Variants in TBC1D32 observed in about 807,000 individuals in gnomAD.
TBC1D32 encodes TBC1 domain family member 32.
TBC1D32 carries 151 observed loss-of-function variants against 170.3 expected under a neutral mutation model. That is an observed-to-expected ratio of 0.89 (90% CI 0.78 to 1.01). TBC1D32 has a LOEUF of 1.01. Among genes scored for constraint, TBC1D32 ranks in the 50% least tolerant of loss-of-function variants. The pLI is 0.00. For missense variants in TBC1D32, 1,464 were observed against 1,457.1 expected (o/e 1.00, Z -0.08); for synonymous variants, 498 against 488.0 (o/e 1.02, Z -0.27).
intron 24 of TBC1D32, among the ~76,000 whole-genome samples, chr6:121,148,955 G>C (rs993859158): frequency 1.3e-5 from 2 of 152,172 alleles, no homozygotes; most frequent in Admixed American, 1.3e-4. Context: ...CATTCTAACA[G>C]GCATGAGATG....
chr6:121,297,242 T>C (rs1805787292), intron 10 of TBC1D32, among the ~76,000 whole-genome samples: 1 of 152,094 alleles, frequency 6.6e-6, no homozygotes, highest in Non-Finnish European at 1.5e-5. Context: ...CCTGTGAAAA[T>C]AGACAGAAAT....
chr6:121,245,958 T>C (rs996992798), intron 17 of TBC1D32, among the ~76,000 whole-genome samples: 1 of 152,106 alleles, frequency 6.6e-6, no homozygotes, highest in Non-Finnish European at 1.5e-5. Context: ...GTACATCTAA[T>C]TGAGAGCTCC....
chr6:121,116,159 AAT>A (rs1779656482), intron 26 of TBC1D32, among the ~76,000 whole-genome samples: 1 of 151,962 alleles, frequency 6.6e-6, no homozygotes, highest in Non-Finnish European at 1.5e-5. Context: ...AGGTTTTCAG[AAT>A]ATCATGAAGT....
In TBC1D32 at chr6:121,091,046, A is replaced by AAT; in HGVS notation, c.3466-6_3466-5insAT. 9.6e-7 allele frequency: 1 copy of AAT among 1,044,882 alleles called. No individual in the cohort carries two copies. Among genetic ancestry groups the AAT allele is most frequent in the East Asian group, 3.3e-5 (1 of 30,238 alleles). The allele number at this position is 1,044,882 out of a possible 1,614,324, so 64.7% of individuals were successfully genotyped here. ...GGTTATCCATTGCAGGCAAATCTTT[A>AAT]AAAAAAAAAAGTAGTAAGTTCATTA... On this transcript the variant is annotated splice_polypyrimidine_tract_variant and splice_region_variant and intron_variant, in intron 30 of 31. Coordinates refer to ENST00000398212, the MANE Select transcript of TBC1D32 (RefSeq NM_152730.6).
chr6:121,267,602 T>C (rs946708734), intron 15 of TBC1D32, among the ~76,000 whole-genome samples: 4 of 152,048 alleles, frequency 2.6e-5, no homozygotes, highest in Non-Finnish European at 4.4e-5. Context: ...CTTCAGTAGA[T>C]AAACAAAGTG....
Position 121,106,116 on chromosome 6 carries a change from A to G in TBC1D32, c.3372T>C (p.Tyr1124=), listed in dbSNP as rs766009570. ...DTVESGIHPV[Y]FCSTHYIEML... ...TTTCAATATAATGGGTGCTGCAAAAATATACTGGATGGATGCCAGATTCTA... is the reference window on the plus strand; with the variant it reads ...TTTCAATATAATGGGTGCTGCAAAAGTATACTGGATGGATGCCAGATTCTA... The change falls in exon 30 of 32, where the codon TAT becomes TAC. Residue 1124 remains tyrosine, a synonymous_variant. Coordinates refer to ENST00000398212, the MANE Select transcript of TBC1D32 (RefSeq NM_152730.6). The G allele has an allele frequency of 2.3e-5, 37 of 1,597,916 alleles. 1 individual carries two copies. The highest frequency in any genetic ancestry group is 3.3e-4 in the Middle Eastern group (2 of 5,984).
chr6:121,156,292 T>C (rs1185659203), intron 24 of TBC1D32, among the ~76,000 whole-genome samples: 1 of 151,998 alleles, frequency 6.6e-6, no homozygotes, highest in Non-Finnish European at 1.5e-5. Flanking sequence ...TTCTAATTTG[T>C]GTGCATTGAA....
At chr6:121,220,324 C>T (rs373268862) in intron 21 of TBC1D32, among the ~76,000 whole-genome samples, 3 of 152,138 alleles carry the variant, frequency 2.0e-5, no homozygotes, top group East Asian at 1.9e-4. Flanking sequence ...ATGAAACAAA[C>T]TTATTACTGA....
intron 21 of TBC1D32, among the ~76,000 whole-genome samples, chr6:121,213,466 T>TAATAAAATAAAATAAAATAA (rs1554271835): frequency 1.9e-3 from 48 of 24,756 alleles, no homozygotes; most frequent in Non-Finnish European, 4.1e-3. Flanking sequence ...ACAAAAATAA[T>TAATAAAATAAAATAAAATAA]AATAAAATAA....
intron 26 of TBC1D32, among the ~76,000 whole-genome samples, chr6:121,117,046 G>A (rs897495923): frequency 6.6e-6 from 1 of 152,150 alleles, no homozygotes; most frequent in Non-Finnish European, 1.5e-5. Context: ...GGAATGTCCA[G>A]TCATTTGTAT....
intron 29 of TBC1D32, among the ~76,000 whole-genome samples, chr6:121,111,840 T>C (rs1201567368): frequency 6.6e-6 from 1 of 152,182 alleles, no homozygotes; most frequent in Non-Finnish European, 1.5e-5. Context: ...GTGATTTCAC[T>C]GTCCAAATGC....
intron 31 of TBC1D32, among the ~76,000 whole-genome samples, 168 bp downstream of exon 31, chr6:121,090,685 T>G (rs1776713027): frequency 6.6e-6 from 1 of 152,180 alleles, no homozygotes; most frequent in Non-Finnish European, 1.5e-5. Context: ...TTGGGGCAAC[T>G]TAACTCTGTG....
intron 25 of TBC1D32, among the ~76,000 whole-genome samples, chr6:121,126,787 ACCT>A: frequency 6.6e-6 from 1 of 152,114 alleles, no homozygotes; most frequent in Admixed American, 6.5e-5. Flanking sequence ...ATAATACCTT[ACCT>A]TTGTTCTTTA....
At chr6:121,174,702 T>C (rs911902481) in intron 22 of TBC1D32, among the ~76,000 whole-genome samples, 2 of 152,212 alleles carry the variant, frequency 1.3e-5, no homozygotes, top group South Asian at 2.1e-4. Context: ...AGTCAAGACA[T>C]AGACTCTAAT....
chr6:121,209,169 G>A (rs1264473795), intron 21 of TBC1D32, among the ~76,000 whole-genome samples: 1 of 150,920 alleles, frequency 6.6e-6, no homozygotes, highest in Non-Finnish European at 1.5e-5. Flanking sequence ...CTTCATTGAG[G>A]TATAATTGAC....
At chr6:121,100,284 C>T (rs987544534) in intron 30 of TBC1D32, among the ~76,000 whole-genome samples, 1 of 151,758 alleles carries the variant, frequency 6.6e-6, no homozygotes, top group African/African-American at 2.4e-5. Flanking sequence ...CTATTAGGTC[C>T]GATTGGTGCA....
At chr6:121,154,012 G>A (rs1055146321) in intron 24 of TBC1D32, among the ~76,000 whole-genome samples, 2 of 140,064 alleles carry the variant, frequency 1.4e-5, no homozygotes, top group Non-Finnish European at 3.0e-5. Context: ...GTTCTGTCTT[G>A]ATGGCATTCC....
chr6:121,276,999 C>G (rs1005629117), intron 15 of TBC1D32, among the ~76,000 whole-genome samples: 3 of 152,138 alleles, frequency 2.0e-5, no homozygotes, highest in Non-Finnish European at 4.4e-5. Context: ...TTGACAGATT[C>G]AGCAGGATGT....
chr6:121,271,338 T>C (rs1175793816), intron 15 of TBC1D32, among the ~76,000 whole-genome samples: 1 of 152,184 alleles, frequency 6.6e-6, no homozygotes, highest in East Asian at 1.9e-4. Flanking sequence ...TGTTTGCAGA[T>C]GACATGATTG....
Sources: gnomAD v4.1 joint callset for allele counts (sites outside exome capture counted in the v4.1 genomes callset) on GRCh38, gnomAD v4.1.1 for gene constraint, MANE v1.5 for transcripts, NCBI Gene and HGNC (gene_info 2026-07-23, HGNC 2026-07-21) for gene names.